The following MYH15 variants were observed in gnomAD, a reference collection of about 807,000 sequenced individuals.
The protein encoded by MYH15 is myosin-15.
A neutral mutation model predicts 240.5 loss-of-function variants in MYH15; 227 were observed. That is an observed-to-expected ratio of 0.94 (90% CI 0.85 to 1.05). The LOEUF (loss-of-function observed/expected upper bound fraction) is 1.05. MYH15 is among the 50% of genes least tolerant of loss of function. The probability of loss-of-function intolerance (pLI) is 0.00; values close to 1 mark genes in which losing one functional copy is unlikely to be tolerated. For missense variants in MYH15, 2,217 were observed against 2,247.5 expected, an observed-to-expected ratio of 0.99 and a Z score of 0.27; for synonymous variants, 785 against 796.7, an observed-to-expected ratio of 0.99 and a Z score of 0.25.
In MYH15 at chr3:108,454,979, G is replaced by A. The variant is rs550949623; in HGVS notation, c.2262+757C>T. Among the ~76,000 whole-genome samples the A allele has an allele frequency of 4.6e-5, 7 of 152,288 alleles. No homozygotes were observed. The East Asian group carries it at 1.3e-3, about 29-fold the overall frequency. ...CACAAGGAAGGAAGGCATCATCAGT[G>A]AAAATCAGCAGAAACAATAAACAGC... On this transcript the variant is annotated intron_variant, in intron 20 of 40. Coordinates refer to ENST00000693548, the MANE Select transcript of MYH15 (RefSeq NM_014981.3).
rs79055675 is a variant in MYH15 at position 108,411,660 on chromosome 3, T to C, written c.4146-728A>G. 2.1e-3 allele frequency among the ~76,000 whole-genome samples: 323 copies of C among 152,346 alleles called. 1 individual carries two copies. Among genetic ancestry groups the C allele is most frequent in the African/African-American group, 7.2e-3 (300 of 41,578 alleles). ...AGGAATTCTAATGGATGAAATGTGT[T>C]CTGTTTCTTACATCTCCTGCAGGGT... On this transcript the variant is annotated intron_variant, in intron 30 of 40. Coordinates refer to ENST00000693548, the MANE Select transcript of MYH15 (RefSeq NM_014981.3).
chr3:108,480,892 TC>T (rs780042260), intron 11 of MYH15, among the ~76,000 whole-genome samples: 1 of 152,232 alleles, frequency 6.6e-6, no homozygotes, highest in Non-Finnish European at 1.5e-5. Context: ...CCTTCCCCGT[TC>T]CTTCTTCTCC....
At chr3:108,496,956 T>G (rs539389125) in intron 6 of MYH15, among the ~76,000 whole-genome samples, 40 of 151,384 alleles carry the variant, frequency 2.6e-4, no homozygotes, top group Non-Finnish European at 5.2e-4. Flanking sequence ...GGTCAGGAGA[T>G]CGAGACCATC....
chr3:108,388,880 G>C (rs756781372), intron 38 of MYH15, 90 bp downstream of exon 38: 17 of 1,024,514 alleles, frequency 1.7e-5, no homozygotes, highest in Middle Eastern at 2.1e-4. Flanking sequence ...AGAACGGCAG[G>C]AGTCCCAGAA....
chr3:108,513,535 A>G (rs1460292929), upstream of MYH15, among the ~76,000 whole-genome samples: 2 of 152,172 alleles, frequency 1.3e-5, no homozygotes, highest in Admixed American at 6.5e-5. Flanking sequence ...TGGGAATCAC[A>G]TAACTATGCT....
At chr3:108,386,482 G>A (rs867148640) in intron 38 of MYH15, among the ~76,000 whole-genome samples, 1 of 152,164 alleles carries the variant, frequency 6.6e-6, no homozygotes, top group African/African-American at 2.4e-5. Flanking sequence ...CACTTCCCAG[G>A]CAGCCCCCAG....
chr3:108,541,506 TGG>T, the MYH15 span, among the ~76,000 whole-genome samples: 12 of 151,768 alleles, frequency 7.9e-5, no homozygotes, highest in African/African-American at 2.9e-4. Context: ...CAGGAGAAAT[TGG>T]AAAGGGATTA....
chr3:108,388,265 A>G (rs550738086), intron 38 of MYH15, among the ~76,000 whole-genome samples: 149 of 152,356 alleles, frequency 9.8e-4, no homozygotes, highest in Non-Finnish European at 1.3e-3. Flanking sequence ...AGAAAAATAC[A>G]GTGCCTCTGC....
At position 108,398,855 on chromosome 3, in the gene MYH15, A is replaced by G. The variant is rs760237325; in HGVS notation, c.4930-15T>C. 6 of 1,612,976 alleles carry G rather than the reference A, an allele frequency of 3.7e-6. No individual in the cohort carries two copies. The highest frequency in any genetic ancestry group is 5.1e-6 in the Non-Finnish European group (6 of 1,178,988). ...ATTTGAAGGTCCTGGGAGAGAAAAG[A>G]TGGGTCTGGAGTACAGATCCCTCTG... is the stretch of plus-strand genomic sequence containing the variant. On this transcript the variant is annotated splice_polypyrimidine_tract_variant and intron_variant, in intron 34 of 40. Transcript: ENST00000693548.
At chr3:108,391,628 A>T in intron 37 of MYH15, 132 bp downstream of exon 37, 1 of 956,778 alleles carries the variant, frequency 1.0e-6, no homozygotes, top group Non-Finnish European at 1.6e-6. Flanking sequence ...GACACTCTTA[A>T]ATATCTGAAA....
intron 1 of MYH15, among the ~76,000 whole-genome samples, chr3:108,522,664 A>G (rs1396773430): frequency 6.6e-6 from 1 of 152,112 alleles, no homozygotes; most frequent in Non-Finnish European, 1.5e-5. Flanking sequence ...TAATTCACAG[A>G]ACCAAAATTC....
chr3:108,535,780 T>C, the MYH15 span, among the ~76,000 whole-genome samples: 1 of 152,140 alleles, frequency 6.6e-6, no homozygotes, highest in African/African-American at 2.4e-5. Flanking sequence ...GATCTTCTTA[T>C]AGTTAATAAA....
chr3:108,417,034 C>T, intron 28 of MYH15, 104 bp from the exon 29 acceptor site: 1 of 837,028 alleles, frequency 1.2e-6, no homozygotes, highest in South Asian at 1.7e-5. Context: ...CTCCTACCCA[C>T]ATATTTTTGA....
chr3:108,509,042 A>G lies in MYH15; in HGVS notation c.88+1401T>C, dbSNP rs545961695. ...AGTGATTTGCTCTAATTACCCAGCCAGAGATGGTCAAGGACAGGGAATTTG... is the reference window on the plus strand; with the variant it reads ...AGTGATTTGCTCTAATTACCCAGCCGGAGATGGTCAAGGACAGGGAATTTG... On this transcript the variant is annotated intron_variant, in intron 1 of 40. Transcript: ENST00000693548. 3.3e-5 allele frequency among the ~76,000 whole-genome samples: 5 copies of G among 152,294 alleles called. No homozygotes were observed. The East Asian group carries it at 9.6e-4, about 29-fold the overall frequency.
At chr3:108,520,046 T>G (rs1045507904) in intron 1 of MYH15, among the ~76,000 whole-genome samples, 1 of 152,164 alleles carries the variant, frequency 6.6e-6, no homozygotes, top group African/African-American at 2.4e-5. Context: ...TTTTTGAACA[T>G]TCAATAAGTG....
At position 108,445,007 on chromosome 3, in the gene MYH15, A is replaced by T. The variant is rs115364381; in HGVS notation, c.2400-112T>A. 38 of 1,243,254 alleles carry T rather than the reference A, an allele frequency of 3.1e-5. 3 individuals carry two copies. The South Asian group carries it at 6.0e-4, about 20-fold the overall frequency. 77.0% of individuals were successfully genotyped at this position (1,243,254 alleles called of 1,614,324 possible). A position where few individuals can be genotyped will look rare whatever the true frequency, so the allele number is the denominator to read the frequency against. ...TTTTTAGGAGTCATAAAAAATTCTT[A>T]TTAGTCTTCAAAGCACTTTTATATC... On this transcript the variant is annotated intron_variant, in intron 21 of 40. Transcript: ENST00000693548.
At chr3:108,413,760 T>A (rs1576218075) in intron 30 of MYH15, among the ~76,000 whole-genome samples, 1 of 152,284 alleles carries the variant, frequency 6.6e-6, no homozygotes, top group East Asian at 1.9e-4. Flanking sequence ...TGACGACAGA[T>A]CCTAACATTT....
At chr3:108,408,254 C>T (rs1560328032) in intron 32 of MYH15, 26 bp downstream of exon 32, 7 of 1,596,230 alleles carry the variant, frequency 4.4e-6, no homozygotes, top group Admixed American at 1.8e-5. Context: ...ACAGTGAAAA[C>T]TTTCTTTTCT....
intron 28 of MYH15, among the ~76,000 whole-genome samples, chr3:108,419,933 T>C (rs956268528): frequency 5.3e-5 from 8 of 152,326 alleles, no homozygotes; most frequent in Admixed American, 3.3e-4. Context: ...TGATTTTAGT[T>C]ATAGATAAAC....
Sources: allele counts gnomAD v4.1 joint callset (sites outside exome capture counted in the v4.1 genomes callset), GRCh38; gene constraint gnomAD v4.1.1; transcripts MANE v1.5; gene names NCBI Gene and HGNC (gene_info 2026-07-23, HGNC 2026-07-21).